GLUD1: variants seen among roughly 807,000 people sequenced by gnomAD.
The protein encoded by GLUD1 is glutamate dehydrogenase 1.
Under a neutral mutation model 56.0 loss-of-function variants are expected in GLUD1, and 22 were observed. The ratio of observed to expected loss-of-function variants is 0.39; its 90% confidence interval spans 0.28 to 0.56. The LOEUF (loss-of-function observed/expected upper bound fraction) is 0.56, where lower values mean the gene tolerates loss of function less well. Among genes scored for constraint, GLUD1 ranks in the 20% least tolerant of loss-of-function variants. The probability of loss-of-function intolerance (pLI) is 0.58; values close to 1 mark genes in which losing one functional copy is unlikely to be tolerated. For synonymous variants in GLUD1, 223 were observed against 269.9 expected (o/e 0.83, Z 1.70); for missense variants, 451 against 732.0 (o/e 0.62, Z 4.43).
At chr10:87,069,471 C>T (rs994982425) in intron 4 of GLUD1, among the ~76,000 whole-genome samples, 4 of 148,698 alleles carry the variant, frequency 2.7e-5, no homozygotes, top group African/African-American at 7.5e-5. Flanking sequence ...GCCAAGATCG[C>T]GCCAGTGCAC....
chr10:87,086,162 A>G (rs2133852047), intron 1 of GLUD1, among the ~76,000 whole-genome samples: 1 of 152,342 alleles, frequency 6.6e-6, no homozygotes, highest in Admixed American at 6.5e-5. Flanking sequence ...GAGGGACTGC[A>G]CTATTCAAGG....
At position 87,050,280 on chromosome 10, in the gene GLUD1, G is replaced by A. The variant is rs937958839; in HGVS notation, c.*1471C>T. On this transcript the variant is annotated 3_prime_UTR_variant, in exon 13 of 13. Coordinates refer to ENST00000277865, the MANE Select transcript of GLUD1 (RefSeq NM_005271.5). ...CTTTCAGGGATCATTTCTATAGTTCGTTACTCGGGAAGTTTCTCTGAACGT... is the reference window on the plus strand; with the variant it reads ...CTTTCAGGGATCATTTCTATAGTTCATTACTCGGGAAGTTTCTCTGAACGT... Among the ~76,000 whole-genome samples, 9 of 149,730 alleles carry A rather than the reference G, an allele frequency of 6.0e-5. No homozygotes were observed. The highest frequency in any genetic ancestry group is 2.2e-4 in the African/African-American group (9 of 40,530).
In GLUD1 at chr10:87,059,293, A is replaced by T; in HGVS notation, c.1279-20T>A. 4 of 1,612,530 alleles carry T rather than the reference A, an allele frequency of 2.5e-6. No homozygotes were observed. Among genetic ancestry groups the T allele is most frequent in the Non-Finnish European group, 3.4e-6 (4 of 1,178,542 alleles). ...GAGATCCTATGCACAAAAATAAGAC[A>T]AAGAAATTAGAAGATGATGGTTTTC... On this transcript the variant is annotated intron_variant, in intron 9 of 12. Transcript: ENST00000277865.
At chr10:87,059,686 T>G (rs1845877799) in intron 9 of GLUD1, among the ~76,000 whole-genome samples, 1 of 152,204 alleles carries the variant, frequency 6.6e-6, no homozygotes, top group Non-Finnish European at 1.5e-5. Flanking sequence ...ATGTCTTAAG[T>G]GCTTTCAGCA....
chr10:87,081,025 T>C (rs1385826590), intron 1 of GLUD1, among the ~76,000 whole-genome samples: 2 of 68,310 alleles, frequency 2.9e-5, no homozygotes, highest in South Asian at 5.3e-4. Flanking sequence ...AGGTGGGGGG[T>C]CAGCCCCCCG....
Position 87,094,009 on chromosome 10 carries a change from C to T in GLUD1, c.445+316G>A. On this transcript the variant is annotated intron_variant, in intron 1 of 12. Coordinates refer to ENST00000277865, the MANE Select transcript of GLUD1 (RefSeq NM_005271.5). The surrounding 1 kb of genome is among the most constrained non-coding windows in gnomAD (Gnocchi z 6.6). ...TTCCTAGAAGTGCATTTCGGCAGGACCCGCCGTGTGTGACACAGACACCGG... is the reference window on the plus strand; with the variant it reads ...TTCCTAGAAGTGCATTTCGGCAGGATCCGCCGTGTGTGACACAGACACCGG... 1 of 1,466,880 alleles carries T rather than the reference C, an allele frequency of 6.8e-7. No homozygotes were observed. Among genetic ancestry groups the T allele is most frequent in the African/African-American group, 1.4e-5 (1 of 71,502 alleles). The allele number at this position is 1,466,880 out of a possible 1,614,324, so 90.9% of individuals were successfully genotyped here.
At chr10:87,074,964 A>G in intron 3 of GLUD1, among the ~76,000 whole-genome samples, 1 of 152,202 alleles carries the variant, frequency 6.6e-6, no homozygotes, top group Non-Finnish European at 1.5e-5. Flanking sequence ...TTGTATATAG[A>G]TAATTTAGTA....
In GLUD1 at chr10:87,062,709, T is replaced by C. The variant is rs886047376; in HGVS notation, c.868A>G (p.Met290Val). Residue 290 changes from methionine (M) to valine (V), a missense_variant, in exon 6 of 13, where the codon ATG (methionine) becomes GTG (valine). Met to Val is a conservative substitution (Grantham distance 21, BLOSUM62 1). Around this residue, in one of 4 missense-constraint regions of GLUD1, gnomAD observed 248 missense variants for 460.0 expected, o/e 0.54. Coordinates refer to ENST00000277865, the MANE Select transcript of GLUD1 (RefSeq NM_005271.5). ...CCTGGTGTCATTCCTAAAATGCTCA[T>C]GTAAGAAGCTTCATTGATGAAATTT... ...IENFINEASY[M>V]SILGMTPGFG... The C allele has an allele frequency of 4.3e-6, 7 of 1,614,096 alleles. No individual in the cohort carries two copies. Among genetic ancestry groups the C allele is most frequent in the South Asian group, 2.2e-5 (2 of 91,076 alleles).
rs113997422 is a variant in GLUD1 at position 87,062,668 on chromosome 10, T to G, written c.909A>C (p.Thr303=). Reference sequence around the variant, plus strand: ...TTTTTGTTTTTACCTGAACAACAAATGTTTTATCTCCAAACCCTGGTGTCA... The same window carrying G: ...TTTTTGTTTTTACCTGAACAACAAAGGTTTTATCTCCAAACCCTGGTGTCA... ...LGMTPGFGDK[T]FVVQGFGNVG... Residue 303 remains threonine, a synonymous_variant, in exon 6 of 13, where the codon ACA becomes ACC. Transcript: ENST00000277865. 3.7e-4 allele frequency: 599 copies of G among 1,613,724 alleles called. 5 individuals are homozygous for G. The African/African-American group carries it at 7.2e-3, about 20-fold the overall frequency.
At chr10:87,068,977 T>G (rs1846148543) in intron 4 of GLUD1, among the ~76,000 whole-genome samples, 1 of 149,412 alleles carries the variant, frequency 6.7e-6, no homozygotes, top group South Asian at 2.2e-4. Context: ...TTAAATGAAA[T>G]ATGGTATACC....
chr10:87,073,312 C>T (rs1037628785), intron 4 of GLUD1, among the ~76,000 whole-genome samples: 44 of 152,146 alleles, frequency 2.9e-4, no homozygotes, highest in African/African-American at 1.0e-3. Context: ...CACCATCACG[C>T]TTGGATAATG....
intron 5 of GLUD1, among the ~76,000 whole-genome samples, chr10:87,064,386 T>G (rs1846021130): frequency 6.6e-6 from 1 of 152,152 alleles, no homozygotes; most frequent in Non-Finnish European, 1.5e-5. Flanking sequence ...CAGGAGAAAC[T>G]AGAGACAGTC....
Position 87,060,261 on chromosome 10 carries a change from A to T in GLUD1, c.1198-20T>A. 6.5e-7 allele frequency: 1 copy of T among 1,549,682 alleles called. No homozygotes were observed. The highest frequency in any genetic ancestry group is 8.9e-7 in the Non-Finnish European group (1 of 1,121,170). ...AATGATCTGCAAGAGAGTCAGGAACATAGAGAAATGCGAACACCACCGTCA... is the reference window on the plus strand; with the variant it reads ...AATGATCTGCAAGAGAGTCAGGAACTTAGAGAAATGCGAACACCACCGTCA... On this transcript the variant is annotated intron_variant, in intron 8 of 12. Coordinates refer to ENST00000277865, the MANE Select transcript of GLUD1 (RefSeq NM_005271.5).
intron 4 of GLUD1, among the ~76,000 whole-genome samples, chr10:87,069,444 G>T (rs9421576): frequency 3.3e-5 from 5 of 150,982 alleles, no homozygotes; most frequent in East Asian, 3.9e-4. Context: ...GAATGGAGGT[G>T]GGGGGTGTTG....
chr10:87,060,326 C>A, intron 8 of GLUD1, 85 bp from the exon 9 acceptor site: 1 of 904,992 alleles, frequency 1.1e-6, no homozygotes, highest in Non-Finnish European at 1.9e-6. Flanking sequence ...CATATATGAA[C>A]AAGGGGCTGT....
chr10:87,069,391 T>G (rs997870463), intron 4 of GLUD1, among the ~76,000 whole-genome samples: 12 of 151,856 alleles, frequency 7.9e-5, no homozygotes, highest in African/African-American at 2.9e-4. Context: ...GGCACATGTC[T>G]GTAATCCCAG....
At chr10:87,085,365 A>AC (rs1554824468) in intron 1 of GLUD1, among the ~76,000 whole-genome samples, 4 of 151,074 alleles carry the variant, frequency 2.6e-5, no homozygotes, top group African/African-American at 9.8e-5. Flanking sequence ...AAAAAAAAAA[A>AC]CCAGAAAAAT....
intron 9 of GLUD1, among the ~76,000 whole-genome samples, chr10:87,059,739 T>C (rs553880300): frequency 5.3e-4 from 80 of 152,368 alleles, no homozygotes; most frequent in African/African-American, 1.8e-3. Context: ...CATTAATTTC[T>C]AGTAACTTTT....
Position 87,051,007 on chromosome 10 carries a change from A to C in GLUD1, c.*744T>G, listed in dbSNP as rs1845617379. The stretch of plus-strand genomic sequence containing the variant: ...AGCCTCCACCATTTTGCAGGTATGA[A>C]GATAACTTAATTATCCACAGGGCTT... On this transcript the variant is annotated 3_prime_UTR_variant, in exon 13 of 13. Coordinates refer to ENST00000277865, the MANE Select transcript of GLUD1 (RefSeq NM_005271.5). 6.5e-6 allele frequency: 1 copy of C among 154,432 alleles called. No individual in the cohort carries two copies. Among genetic ancestry groups the C allele is most frequent in the Non-Finnish European group, 1.5e-5 (1 of 68,118 alleles). 9.6% of individuals were successfully genotyped at this position (154,432 alleles called of 1,614,324 possible). A position where few individuals can be genotyped will look rare whatever the true frequency, so the allele number is the denominator to read the frequency against.
Sources: allele counts gnomAD v4.1 joint callset (sites outside exome capture counted in the v4.1 genomes callset), GRCh38; gene constraint gnomAD v4.1.1; regional missense constraint gnomAD v4.1.1; non-coding constraint Gnocchi (gnomAD v3.1); transcripts MANE v1.5; gene names NCBI Gene and HGNC (gene_info 2026-07-23, HGNC 2026-07-21).